CCDC85A: variants seen among roughly 807,000 people sequenced by gnomAD.
The protein encoded by CCDC85A is coiled-coil domain-containing protein 85A.
In CCDC85A, 38 loss-of-function variants were observed where a neutral mutation model predicts 50.2. The ratio of observed to expected loss-of-function variants is 0.76; its 90% CI spans 0.58 to 0.99. The LOEUF (loss-of-function observed/expected upper bound fraction) is 0.99. CCDC85A is among the 50% of genes least tolerant of loss of function. CCDC85A has a pLI of 0.00. For synonymous variants in CCDC85A, 366 were observed against 301.4 expected (o/e 1.21, Z -2.22); for missense variants, 820 against 742.0 (o/e 1.11, Z -1.22).
At chr2:56,311,363 A>G (rs1361182324) in intron 2 of CCDC85A, among the ~76,000 whole-genome samples, 2 of 152,068 alleles carry the variant, frequency 1.3e-5, no homozygotes. Context: ...ATGCTCAAAC[A>G]TAGGATTTTG....
chr2:56,353,227 T>C (rs1675045622), intron 3 of CCDC85A, among the ~76,000 whole-genome samples: 1 of 152,210 alleles, frequency 6.6e-6, no homozygotes, highest in African/African-American at 2.4e-5. Context: ...GATATACAGA[T>C]AGTGTGCTCA....
intron 2 of CCDC85A, among the ~76,000 whole-genome samples, chr2:56,291,851 C>G (rs1182374273): frequency 1.4e-5 from 2 of 147,336 alleles, no homozygotes; most frequent in African/African-American, 5.0e-5. Flanking sequence ...TTCACGCTGA[C>G]TCCTGAAGGG....
chr2:56,269,012 C>G, intron 2 of CCDC85A, among the ~76,000 whole-genome samples: 1 of 152,064 alleles, frequency 6.6e-6, no homozygotes. Context: ...ACTTGGAACA[C>G]TTTTCCATAG....
intron 2 of CCDC85A, among the ~76,000 whole-genome samples, chr2:56,282,344 T>G (rs1671243460): frequency 6.6e-6 from 1 of 152,228 alleles, no homozygotes; most frequent in African/African-American, 2.4e-5. Context: ...GTGTGAGTCC[T>G]CTACATTTTT....
chr2:56,261,278 T>C (rs570666689), intron 2 of CCDC85A, among the ~76,000 whole-genome samples: 137 of 152,286 alleles, frequency 9.0e-4, no homozygotes, highest in African/African-American at 3.1e-3. Context: ...CACTATAAAA[T>C]AGGTAGTTTA....
At chr2:56,310,099 A>G (rs1255229059) in intron 2 of CCDC85A, among the ~76,000 whole-genome samples, 1 of 152,156 alleles carries the variant, frequency 6.6e-6, no homozygotes, top group African/African-American at 2.4e-5. Flanking sequence ...GTCTCGTCCA[A>G]CTTGTGACAG....
intron 2 of CCDC85A, among the ~76,000 whole-genome samples, chr2:56,298,321 C>A (rs1417969270): frequency 1.3e-5 from 2 of 152,058 alleles, no homozygotes; most frequent in African/African-American, 2.4e-5. Context: ...GCTAGACAGA[C>A]CCCTGCATTG....
chr2:56,258,213 TGAA>T, intron 2 of CCDC85A, among the ~76,000 whole-genome samples: 1 of 152,080 alleles, frequency 6.6e-6, no homozygotes, highest in East Asian at 1.9e-4. Context: ...TGGGAGAAGA[TGAA>T]GAAGAATGAA....
intron 2 of CCDC85A, among the ~76,000 whole-genome samples, chr2:56,244,313 G>T (rs746411262): frequency 3.7e-4 from 56 of 152,040 alleles, no homozygotes; most frequent in Non-Finnish European, 1.5e-4. Context: ...CTCCCCTTGC[G>T]CCAGCAGAGG....
At chr2:56,206,821 C>T (rs17190072) in intron 2 of CCDC85A, among the ~76,000 whole-genome samples, 41,686 of 152,008 alleles carry the variant, frequency 0.27, 5,861 homozygotes, top group Admixed American at 0.33. Flanking sequence ...AGGTTTGTAC[C>T]GTGATTTAAT....
intron 2 of CCDC85A, among the ~76,000 whole-genome samples, chr2:56,321,297 C>G (rs1038944606): frequency 6.6e-6 from 1 of 152,076 alleles, no homozygotes; most frequent in African/African-American, 2.4e-5. Context: ...TCAGGGCAAT[C>G]AGGCAGGAGA....
intron 3 of CCDC85A, among the ~76,000 whole-genome samples, chr2:56,364,257 C>T (rs1019452760): frequency 1.3e-5 from 2 of 152,098 alleles, no homozygotes; most frequent in African/African-American, 2.4e-5. Flanking sequence ...TTCTTTTCTT[C>T]CTGGGGTTTG....
At chr2:56,259,989 T>G (rs1024546438) in intron 2 of CCDC85A, among the ~76,000 whole-genome samples, 1 of 152,182 alleles carries the variant, frequency 6.6e-6, no homozygotes, top group East Asian at 1.9e-4. Flanking sequence ...GCTATCCTGC[T>G]AAAGTGTTGT....
chr2:56,223,747 A>G (rs1668427101), intron 2 of CCDC85A, among the ~76,000 whole-genome samples: 1 of 152,064 alleles, frequency 6.6e-6, no homozygotes, highest in Non-Finnish European at 1.5e-5. Flanking sequence ...TATTATTCTG[A>G]CCATCAATGT....
chr2:56,191,764 G>A (rs542661879), intron 1 of CCDC85A, among the ~76,000 whole-genome samples: 1 of 152,338 alleles, frequency 6.6e-6, no homozygotes, highest in South Asian at 2.1e-4. Context: ...TCAGGTGGGT[G>A]TGGCAAGTAG....
At chr2:56,371,063 T>G (rs1450858517) in intron 3 of CCDC85A, among the ~76,000 whole-genome samples, 1 of 152,124 alleles carries the variant, frequency 6.6e-6, no homozygotes, top group Non-Finnish European at 1.5e-5. Flanking sequence ...TGGAAACAAA[T>G]TAGACACTAC....
chr2:56,184,946 G>T, intron 1 of CCDC85A, 46 bp downstream of exon 1: 1 of 1,441,422 alleles, frequency 6.9e-7, no homozygotes, highest in African/African-American at 1.5e-5. Context: ...TGGGAGCGGG[G>T]TGCCCCGAGG....
intron 2 of CCDC85A, among the ~76,000 whole-genome samples, chr2:56,313,032 C>T (rs544264540): frequency 2.6e-5 from 4 of 152,222 alleles, no homozygotes; most frequent in Non-Finnish European, 4.4e-5. Flanking sequence ...TTAACATGCT[C>T]ATTTTATGGA....
At chr2:56,334,412 T>C (rs1455055441) in intron 2 of CCDC85A, among the ~76,000 whole-genome samples, 1 of 152,242 alleles carries the variant, frequency 6.6e-6, no homozygotes, top group African/African-American at 2.4e-5. Context: ...AGTGAAATAT[T>C]TTCATATAGC....
Sources: allele counts gnomAD v4.1 joint callset (sites outside exome capture counted in the v4.1 genomes callset), GRCh38; gene constraint gnomAD v4.1.1; transcripts MANE v1.5; gene names NCBI Gene and HGNC (gene_info 2026-07-23, HGNC 2026-07-21).